The following IQGAP2 variants were observed in gnomAD, a reference collection of about 807,000 sequenced individuals.
The protein encoded by IQGAP2 is IQ motif containing GTPase activating protein 2, also known as ras GTPase-activating-like protein IQGAP2.
A neutral mutation model predicts 201.3 loss-of-function variants in IQGAP2; 173 were observed. The observed-to-expected ratio is 0.86, with a 90% confidence interval of 0.76 to 0.98. The LOEUF (loss-of-function observed/expected upper bound fraction) is 0.98. Ranked by LOEUF, IQGAP2 falls within the 50% of genes least tolerant of loss-of-function variation. IQGAP2 has a pLI of 0.00. For missense variants in IQGAP2, 1,687 were observed against 1,864.8 expected, an observed-to-expected ratio of 0.90 and a Z score of 1.76; for synonymous variants, 675 against 673.9, an observed-to-expected ratio of 1.00 and a Z score of -0.03.
Position 76,605,376 on chromosome 5 carries a change from A to T in IQGAP2, c.1233-803A>T, listed in dbSNP as rs1295498113. ...TTTTTAATTTTAATTTTATTTTTTT[A>T]TGGAGACAGAGTCTCCCTGTGTTGC... On this transcript the variant is annotated intron_variant, in intron 11 of 35. Coordinates refer to ENST00000274364, the MANE Select transcript of IQGAP2 (RefSeq NM_006633.5). Among the ~76,000 whole-genome samples the T allele has an allele frequency of 3.3e-5, 5 of 152,130 alleles. No individual in the cohort carries two copies. In the South Asian group the frequency reaches 8.3e-4, roughly 25 times the overall value.
chr5:76,650,729 C>T lies in IQGAP2; in HGVS notation c.2095-2021C>T, dbSNP rs949264856. Among the ~76,000 whole-genome samples, 5 of 152,272 alleles carry T rather than the reference C, an allele frequency of 3.3e-5. No homozygotes were observed. The East Asian group carries it at 7.7e-4, about 23-fold the overall frequency. ...TGTTGGTTTGCTGCGCCCACTAACTCGTCATTTACATTAGGTATTTCTCCT... is the reference window on the plus strand; with the variant it reads ...TGTTGGTTTGCTGCGCCCACTAACTTGTCATTTACATTAGGTATTTCTCCT... On this transcript the variant is annotated intron_variant, in intron 17 of 35. Transcript: ENST00000274364.
At position 76,612,944 on chromosome 5, in the gene IQGAP2, A is replaced by G. The variant is rs142143323; in HGVS notation, c.1521+1761A>G. Among the ~76,000 whole-genome samples the G allele has an allele frequency of 1.6e-3, 251 of 152,306 alleles. 2 individuals are homozygous for G. Among genetic ancestry groups the G allele is most frequent in the African/African-American group, 5.8e-3 (241 of 41,568 alleles). ...ACTGTTTCTAAACTTTTAAAAACCA[A>G]TGTAAATCCTATCCTCACTACTCCA... On this transcript the variant is annotated intron_variant, in intron 13 of 35. Coordinates refer to ENST00000274364, the MANE Select transcript of IQGAP2 (RefSeq NM_006633.5).
intron 27 of IQGAP2, 187 bp from the exon 28 acceptor site, chr5:76,677,031 A>G (rs931935591): frequency 9.0e-6 from 5 of 555,096 alleles, no homozygotes; most frequent in Non-Finnish European, 9.5e-6. Flanking sequence ...AGCTGGGTCC[A>G]ATATCCAGAA....
chr5:76,489,584 C>A (rs1462473850), intron 2 of IQGAP2, among the ~76,000 whole-genome samples: 1 of 152,130 alleles, frequency 6.6e-6, no homozygotes, highest in Non-Finnish European at 1.5e-5. Flanking sequence ...GCCTCGGCCT[C>A]CCAAGTAGCT....
At position 76,707,933 on chromosome 5, in the gene IQGAP2, T is replaced by C. The variant is rs1703558944; in HGVS notation, c.*620T>C. 1 of 152,664 alleles carries C rather than the reference T, an allele frequency of 6.6e-6. No homozygotes were observed. The highest frequency in any genetic ancestry group is 1.5e-5 in the Non-Finnish European group (1 of 68,054). 9.5% of individuals were successfully genotyped at this position (152,664 alleles called of 1,614,324 possible). A position where few individuals can be genotyped will look rare whatever the true frequency, so the allele number is the denominator to read the frequency against. ...CACTACTGCCTCATGTAAAGACTCT[T>C]GCACGCAGAGCCTTTAAGTGACTAA... On this transcript the variant is annotated 3_prime_UTR_variant, in exon 36 of 36. Transcript: ENST00000274364.
intron 15 of IQGAP2, among the ~76,000 whole-genome samples, chr5:76,635,797 C>T (rs887314132): frequency 6.6e-6 from 1 of 151,640 alleles, no homozygotes; most frequent in South Asian, 2.1e-4. Context: ...CCACTGTTCT[C>T]CAGCCTGGGT....
chr5:76,707,416 G>C lies in IQGAP2; in HGVS notation c.*103G>C. The C allele has an allele frequency of 3.0e-6, 2 of 673,000 alleles. No homozygotes were observed. Among genetic ancestry groups the C allele is most frequent in the Non-Finnish European group, 5.3e-6 (2 of 378,740 alleles). 41.7% of individuals were successfully genotyped at this position (673,000 alleles called of 1,614,324 possible). On this transcript the variant is annotated 3_prime_UTR_variant, in exon 36 of 36. Coordinates refer to ENST00000274364, the MANE Select transcript of IQGAP2 (RefSeq NM_006633.5). ...ATGATTGAAATCACTGCTTATAAATGTGTGATTTTTTTAAAACGACCAAAA... is the reference window on the plus strand; with the variant it reads ...ATGATTGAAATCACTGCTTATAAATCTGTGATTTTTTTAAAACGACCAAAA...
intron 2 of IQGAP2, among the ~76,000 whole-genome samples, chr5:76,497,264 C>A (rs372678890): frequency 6.6e-6 from 1 of 152,294 alleles, no homozygotes. Flanking sequence ...CTGCCTTCTG[C>A]GGTTTGGAGT....
In IQGAP2 at chr5:76,461,643, T is replaced by C; in HGVS notation, c.120T>C (p.Tyr40=). The change falls in exon 2 of 36, where the codon TAT becomes TAC. Residue 40 remains tyrosine (Y), a synonymous_variant. Coordinates refer to ENST00000274364, the MANE Select transcript of IQGAP2 (RefSeq NM_006633.5). ...ERRRQNIAYE[Y]LCHLEEAKRW... ...GGCGGCAGAACATTGCTTATGAATA[T>C]CTGTGCCACTTAGAGGAAGCCAAAA... 6.2e-7 allele frequency: 1 copy of C among 1,613,790 alleles called. No individual in the cohort carries two copies. Among genetic ancestry groups the C allele is most frequent in the Non-Finnish European group, 8.5e-7 (1 of 1,179,666 alleles).
At chr5:76,696,169 A>G (rs1237064332) in intron 32 of IQGAP2, among the ~76,000 whole-genome samples, 1 of 152,182 alleles carries the variant, frequency 6.6e-6, no homozygotes, top group East Asian at 1.9e-4. Flanking sequence ...CAGACCAGAA[A>G]TAAATACTAA....
At chr5:76,597,325 A>C in intron 9 of IQGAP2, 114 bp from the exon 10 acceptor site, 1 of 1,012,932 alleles carries the variant, frequency 9.9e-7, no homozygotes, top group Non-Finnish European at 1.5e-6. Flanking sequence ...GCAGCTTTTC[A>C]GAGTTCATGA....
chr5:76,529,250 A>G (rs559106999), intron 2 of IQGAP2, among the ~76,000 whole-genome samples: 1 of 152,328 alleles, frequency 6.6e-6, no homozygotes, highest in East Asian at 1.9e-4. Flanking sequence ...GATGTTATGA[A>G]TAAGTTACCT....
intron 2 of IQGAP2, among the ~76,000 whole-genome samples, chr5:76,475,247 G>T (rs1196783468): frequency 6.6e-6 from 1 of 152,152 alleles, no homozygotes; most frequent in African/African-American, 2.4e-5. Context: ...ATCAGCCAGG[G>T]TTGGATAGAA....
intron 5 of IQGAP2, 150 bp from the exon 6 acceptor site, chr5:76,588,756 C>A: frequency 2.5e-6 from 1 of 407,462 alleles, no homozygotes; most frequent in Non-Finnish European, 4.5e-6. Context: ...ACTCTGTTAC[C>A]CAGAGACTCA....
intron 1 of IQGAP2, among the ~76,000 whole-genome samples, chr5:76,439,397 TG>T (rs1344973268): frequency 6.6e-6 from 1 of 152,228 alleles, no homozygotes; most frequent in Non-Finnish European, 1.5e-5. Context: ...GTTCCTTTGT[TG>T]ACTTTCTGCT....
intron 1 of IQGAP2, among the ~76,000 whole-genome samples, chr5:76,413,981 G>A (rs1297669017): frequency 6.6e-6 from 1 of 152,272 alleles, no homozygotes; most frequent in East Asian, 1.9e-4. Context: ...AGGCCTCACC[G>A]CCTCTACAAA....
chr5:76,429,541 C>T (rs1391675106), intron 1 of IQGAP2, among the ~76,000 whole-genome samples: 1 of 147,058 alleles, frequency 6.8e-6, no homozygotes, highest in East Asian at 2.0e-4. Flanking sequence ...CATTGCACTC[C>T]AGCCTGGGCG....
rs181647495 is a variant in IQGAP2, at chr5:76,509,453, G to T, written c.146+47784G>T. ...ACTCTGTTGCCCAGGCTGGAGTGTA[G>T]TGGTGCAGTCTCGGCTCACTGCAAG... On this transcript the variant is annotated intron_variant, in intron 2 of 35. Transcript: ENST00000274364. Among the ~76,000 whole-genome samples, 541 of 151,358 alleles carry T rather than the reference G, an allele frequency of 3.6e-3. 1 individual carries two copies. The highest frequency in any genetic ancestry group is 0.013 in the African/African-American group (516 of 41,188).
Position 76,654,228 on chromosome 5 carries a change from CAAGA to C in IQGAP2, c.2212_2215del (p.Lys738AlafsTer17). 1.9e-6 allele frequency: 3 copies of C among 1,610,492 alleles called. No individual in the cohort carries two copies. The highest frequency in any genetic ancestry group is 2.5e-6 in the Non-Finnish European group (3 of 1,178,344). On this transcript the variant is annotated frameshift_variant, in exon 19 of 36. Coordinates refer to ENST00000274364, the MANE Select transcript of IQGAP2 (RefSeq NM_006633.5). LOFTEE classifies it high-confidence loss of function. ...CAGTCCTGGTTCCGAATGGCAACTG[CAAGA>C]AAGAGCTATCTTTCAAGACTACAGT...
Sources: gnomAD v4.1 joint callset for allele counts (sites outside exome capture counted in the v4.1 genomes callset) on GRCh38, gnomAD v4.1.1 for gene constraint, MANE v1.5 for transcripts, NCBI Gene and HGNC (gene_info 2026-07-23, HGNC 2026-07-21) for gene names.